COL9A1: variants seen among roughly 807,000 people sequenced by gnomAD.
The protein encoded by COL9A1 is collagen alpha-1(IX) chain.
Under a neutral mutation model 142.6 loss-of-function variants are expected in COL9A1, and 104 were observed. The observed-to-expected ratio is 0.73, with a 90% confidence interval of 0.62 to 0.86. The LOEUF is 0.86. Ranked by LOEUF, COL9A1 falls within the 40% of genes least tolerant of loss-of-function variation. The pLI, the probability that COL9A1 is intolerant of heterozygous loss-of-function variation, is 0.00. For synonymous variants in COL9A1, 466 were observed against 396.0 expected (o/e 1.18, Z -2.10); for missense variants, 1,210 against 1,176.6 (o/e 1.03, Z -0.42).
At chr6:70,283,323 G>T in intron 6 of COL9A1, 2 of 1,182,138 alleles carry the variant, frequency 1.7e-6, no homozygotes, top group Admixed American at 2.9e-5. Flanking sequence ...CCCTGCCGCC[G>T]CACAGGCGAG....
chr6:70,254,723 A>G (rs2127576562), intron 24 of COL9A1, 194 bp from the exon 25 acceptor site: 1 of 674,412 alleles, frequency 1.5e-6, no homozygotes, highest in Non-Finnish European at 2.6e-6. Flanking sequence ...CAAAATGCAC[A>G]GTCTCTCTCA....
intron 18 of COL9A1, among the ~76,000 whole-genome samples, chr6:70,265,716 C>T (rs1363626266): frequency 6.6e-6 from 1 of 151,962 alleles, no homozygotes; most frequent in Non-Finnish European, 1.5e-5. Context: ...AAATAAAATG[C>T]CTTAACTATC....
At chr6:70,293,665 A>AC (rs1773739955) in intron 5 of COL9A1, among the ~76,000 whole-genome samples, 1 of 150,760 alleles carries the variant, frequency 6.6e-6, no homozygotes, top group African/African-American at 2.5e-5. Context: ...ACACACACAC[A>AC]CACACACACA....
At chr6:70,266,793 T>G in intron 17 of COL9A1, 23 bp from the exon 18 acceptor site, 1 of 1,601,682 alleles carries the variant, frequency 6.2e-7, no homozygotes, top group Non-Finnish European at 8.6e-7. Context: ...AAATAAGTAA[T>G]TGTCTTGAGT....
chr6:70,229,235 G>A (rs1282029680), intron 36 of COL9A1, among the ~76,000 whole-genome samples: 1 of 152,122 alleles, frequency 6.6e-6, no homozygotes, highest in African/African-American at 2.4e-5. Context: ...ATACAGGTTG[G>A]TTCTATCGAC....
chr6:70,261,595 T>A (rs534101259), intron 19 of COL9A1, among the ~76,000 whole-genome samples: 1 of 152,284 alleles, frequency 6.6e-6, no homozygotes, highest in East Asian at 1.9e-4. Context: ...CATGACCAAC[T>A]CTTCATTCAG....
At chr6:70,238,646 T>C (rs1188545677) in intron 33 of COL9A1, among the ~76,000 whole-genome samples, 2 of 152,158 alleles carry the variant, frequency 1.3e-5, no homozygotes, top group Non-Finnish European at 2.9e-5. Context: ...AAATGACCCA[T>C]TTGGAGAGGA....
chr6:70,241,187 GA>G (rs1770233583), intron 31 of COL9A1, among the ~76,000 whole-genome samples: 1 of 152,162 alleles, frequency 6.6e-6, no homozygotes, highest in African/African-American at 2.4e-5. Context: ...CTCTTCAAAG[GA>G]AAGACAGTGT....
intron 4 of COL9A1, among the ~76,000 whole-genome samples, chr6:70,296,487 A>T (rs539087146): frequency 6.6e-6 from 1 of 152,252 alleles, no homozygotes; most frequent in East Asian, 1.9e-4. Flanking sequence ...TGTCTACTAC[A>T]TGACTCCAGA....
rs11407353 is a variant in COL9A1, at chr6:70,227,424, T to TAAAAAAAAAAAAAAAAAAAAA, written c.2504-1436_2504-1416dup. Among the ~76,000 whole-genome samples the TAAAAAAAAAAAAAAAAAAAAA allele has an allele frequency of 9.2e-4, 46 of 50,026 alleles. 1 individual carries two copies. Among genetic ancestry groups the TAAAAAAAAAAAAAAAAAAAAA allele is most frequent in the African/African-American group, 4.7e-3 (42 of 8,860 alleles). 32.8% of individuals were successfully genotyped at this position (50,026 alleles called of 152,430 possible). A position where few individuals can be genotyped will look rare whatever the true frequency, so the allele number is the denominator to read the frequency against. Reference sequence around the variant, plus strand: ...CTCATAACAAAATAAATGCAAATTGTAAAAAAAAAAAAAAAAAAAAAAAAG... The same window carrying TAAAAAAAAAAAAAAAAAAAAA: ...CTCATAACAAAATAAATGCAAATTGTAAAAAAAAAAAAAAAAAAAAAAAAAAAAAAAAAAAAAAAAAAAAAG... On this transcript the variant is annotated intron_variant, in intron 36 of 37. Coordinates refer to ENST00000357250, the MANE Select transcript of COL9A1 (RefSeq NM_001851.6).
chr6:70,280,156 T>C, intron 10 of COL9A1: 1 of 572,214 alleles, frequency 1.7e-6, no homozygotes. Flanking sequence ...GTGGGTAAAC[T>C]GGAGAAAGCC....
intron 26 of COL9A1, 111 bp downstream of exon 26, chr6:70,253,274 A>C: frequency 1.4e-6 from 1 of 732,364 alleles, no homozygotes; most frequent in Non-Finnish European, 2.3e-6. Context: ...ATTTCTCCCT[A>C]GGGCCAAATA....
At chr6:70,263,515 A>G (rs1771825175) in intron 18 of COL9A1, among the ~76,000 whole-genome samples, 1 of 152,050 alleles carries the variant, frequency 6.6e-6, no homozygotes, top group South Asian at 2.1e-4. Flanking sequence ...AAATACCACC[A>G]TTTAACTATA....
chr6:70,262,714 C>G (rs1048169696), intron 19 of COL9A1, among the ~76,000 whole-genome samples: 1 of 152,118 alleles, frequency 6.6e-6, no homozygotes, highest in Non-Finnish European at 1.5e-5. Context: ...TTTGATGATG[C>G]CCCAAATCAC....
rs543897522 is a variant in COL9A1 at position 70,281,001 on chromosome 6, T to C, written c.912+3A>G. On this transcript the variant is annotated splice_donor_region_variant and intron_variant, in intron 9 of 37. Coordinates refer to ENST00000357250, the MANE Select transcript of COL9A1 (RefSeq NM_001851.6). The stretch of plus-strand genomic sequence containing the variant: ...GGAGCGCCATATGCTCCAATCAACT[T>C]ACCGGGGGGCCCGGGGGGCCCTTAG... The C allele has an allele frequency of 1.5e-5, 24 of 1,613,496 alleles. No homozygotes were observed. The South Asian group carries it at 2.6e-4, about 18-fold the overall frequency.
At chr6:70,280,597 C>T (rs1413267146) in intron 10 of COL9A1, 3 of 1,322,224 alleles carry the variant, frequency 2.3e-6, no homozygotes, top group Admixed American at 5.7e-5. Context: ...GAAATGCCAA[C>T]GCCTCCTAGA....
At chr6:70,278,048 CAA>C (rs1333224593) in intron 10 of COL9A1, among the ~76,000 whole-genome samples, 1 of 152,106 alleles carries the variant, frequency 6.6e-6, no homozygotes, top group Non-Finnish European at 1.5e-5. Context: ...TCAAATCAGT[CAA>C]AGAGTGGAAT....
rs71711228 is a variant in COL9A1, at chr6:70,302,155, CCTAATTA to C, written c.15-88_15-82del. 44,626 of 835,252 alleles carry C rather than the reference CCTAATTA, an allele frequency of 0.053. 1,351 individuals are homozygous for C. The highest frequency in any genetic ancestry group is 0.078 in the Middle Eastern group (295 of 3,784). The allele number at this position is 835,252 out of a possible 1,614,324, so 51.7% of individuals were successfully genotyped here. ...CTTCCATATTTTCAAACCTAGTAAA[CCTAATTA>C]ATGTAAGGTGATCAAATCACAGTAT... is the stretch of plus-strand genomic sequence containing the variant. On this transcript the variant is annotated intron_variant, in intron 1 of 37. Coordinates refer to ENST00000357250, the MANE Select transcript of COL9A1 (RefSeq NM_001851.6).
At chr6:70,226,251 A>G (rs530356671) in intron 36 of COL9A1, among the ~76,000 whole-genome samples, 1 of 152,330 alleles carries the variant, frequency 6.6e-6, no homozygotes, top group South Asian at 2.1e-4. Context: ...TTGAACATGC[A>G]TTCTTGATAA....
Sources: gnomAD v4.1 joint callset for allele counts (sites outside exome capture counted in the v4.1 genomes callset) on GRCh38, gnomAD v4.1.1 for gene constraint, MANE v1.5 for transcripts, NCBI Gene and HGNC (gene_info 2026-07-23, HGNC 2026-07-21) for gene names.